The following SHMT1 variants were observed in gnomAD, a reference collection of about 807,000 sequenced individuals.
SHMT1 encodes serine hydroxymethyltransferase, cytosolic.
SHMT1 carries 45 observed loss-of-function variants against 49.0 expected under a neutral mutation model. The ratio of observed to expected loss-of-function variants is 0.92; its 90% CI spans 0.72 to 1.18. The LOEUF (loss-of-function observed/expected upper bound fraction) is 1.18, where lower values mean the gene tolerates loss of function less well. Among genes scored for constraint, SHMT1 ranks in the 50% most tolerant of loss-of-function variants. The pLI, the probability that SHMT1 is intolerant of heterozygous loss-of-function variation, is 0.00. For synonymous variants in SHMT1, 232 were observed against 246.6 expected (o/e 0.94, Z 0.55); for missense variants, 541 against 612.4 (o/e 0.88, Z 1.23).
In SHMT1 at chr17:18,331,162, C is replaced by G; in HGVS notation, c.1055-491G>C. ...TATTATCAAAGTGGTAAGGTGACAACAGCAAGGCTAACAGAGTTTTCTGGA... is the reference window on the plus strand; with the variant it reads ...TATTATCAAAGTGGTAAGGTGACAAGAGCAAGGCTAACAGAGTTTTCTGGA... On this transcript the variant is annotated intron_variant, in intron 9 of 11. Transcript: ENST00000316694. 1.8e-5 allele frequency: 5 copies of G among 284,110 alleles called. No homozygotes were observed. In the South Asian group the frequency reaches 1.8e-4, roughly 10 times the overall value. 17.6% of individuals were successfully genotyped at this position (284,110 alleles called of 1,614,324 possible).
intron 3 of SHMT1, among the ~76,000 whole-genome samples, chr17:18,352,399 G>C (rs1405397245): frequency 6.6e-6 from 1 of 152,148 alleles, no homozygotes; most frequent in African/African-American, 2.4e-5. Context: ...GCCCGCCTGG[G>C]CCTCCCAAAG....
intron 3 of SHMT1, chr17:18,348,763 C>G (rs1985375973): frequency 1.9e-6 from 1 of 523,474 alleles, no homozygotes; most frequent in African/African-American, 1.9e-5. Flanking sequence ...TTGCTTGAGC[C>G]CAGGAGTTCG....
At chr17:18,342,917 C>T (rs1199917154) in intron 5 of SHMT1, among the ~76,000 whole-genome samples, 1 of 149,656 alleles carries the variant, frequency 6.7e-6, no homozygotes, top group Non-Finnish European at 1.5e-5. Context: ...GCCTGGGCGA[C>T]AAAGTGAGAC....
At chr17:18,344,366 A>G (rs758108234) in intron 5 of SHMT1, among the ~76,000 whole-genome samples, 2 of 152,042 alleles carry the variant, frequency 1.3e-5, no homozygotes, top group South Asian at 2.1e-4. Context: ...GCTGACCTCC[A>G]GTAAAAATGG....
rs548841605 is a variant in SHMT1, at chr17:18,336,948, A to G, written c.815-1273T>C. On this transcript the variant is annotated intron_variant, in intron 7 of 11. Transcript: ENST00000316694. ...GTGACAGAGTGAGACCCTGTCCCCA[A>G]AAATAAAATTTAAAGAGTCTCCAAG... Among the ~76,000 whole-genome samples, 7 of 152,254 alleles carry G rather than the reference A, an allele frequency of 4.6e-5. No homozygotes were observed. The South Asian group carries it at 1.5e-3, about 32-fold the overall frequency.
chr17:18,329,931 G>A (rs1009732020), intron 10 of SHMT1, among the ~76,000 whole-genome samples: 2 of 151,950 alleles, frequency 1.3e-5, no homozygotes, highest in South Asian at 2.1e-4. Flanking sequence ...GCGCAGTCTC[G>A]GCTCAATGCA....
At chr17:18,353,519 T>A in intron 3 of SHMT1, 153 bp downstream of exon 3, 2 of 836,762 alleles carry the variant, frequency 2.4e-6, no homozygotes, top group Non-Finnish European at 4.2e-6. Context: ...ATGCTGGGAA[T>A]AAAAGAGTTC....
At chr17:18,344,646 TTTTTC>T (rs1008813697) in intron 5 of SHMT1, among the ~76,000 whole-genome samples, 1 of 144,402 alleles carries the variant, frequency 6.9e-6, no homozygotes. Flanking sequence ...TTTTCAAAGG[TTTTTC>T]TTTTCTTTTT....
In SHMT1 at chr17:18,347,637, A is replaced by G. The variant is rs750760203; in HGVS notation, c.378T>C (p.Ala126=). ...GGGGTTCCACCAGGGCAGTGTACACAGCAAAGTTTGCAGGGGAGCCTGAAA... is the reference window on the plus strand; with the variant it reads ...GGGGTTCCACCAGGGCAGTGTACACGGCAAAGTTTGCAGGGGAGCCTGAAA... ...QPYSGSPANF[A]VYTALVEPHG... Residue 126 remains alanine, a synonymous_variant, in exon 5 of 12, where the codon GCT becomes GCC. Transcript: ENST00000316694. 27 of 1,614,192 alleles carry G rather than the reference A, an allele frequency of 1.7e-5. No homozygotes were observed. Among genetic ancestry groups the G allele is most frequent in the Non-Finnish European group, 2.3e-5 (27 of 1,180,040 alleles).
At chr17:18,338,062 C>T (rs1908328619) in intron 7 of SHMT1, among the ~76,000 whole-genome samples, 1 of 151,186 alleles carries the variant, frequency 6.6e-6, no homozygotes, top group Admixed American at 6.6e-5. Flanking sequence ...GCCCCTCTGC[C>T]TGGCTGCCCA....
intron 1 of SHMT1, among the ~76,000 whole-genome samples, chr17:18,361,583 C>A (rs1408210554): frequency 2.6e-5 from 4 of 151,742 alleles, no homozygotes; most frequent in African/African-American, 4.8e-5. Flanking sequence ...GTCAGGAGAT[C>A]GAGACCATCC....
chr17:18,354,042 G>C (rs748167856), intron 2 of SHMT1, among the ~76,000 whole-genome samples: 1 of 152,196 alleles, frequency 6.6e-6, no homozygotes, highest in Non-Finnish European at 1.5e-5. Context: ...CAGCACTTTG[G>C]GAGGCCGAGG....
intron 3 of SHMT1, among the ~76,000 whole-genome samples, chr17:18,348,935 C>T (rs187656172): frequency 2.7e-5 from 4 of 148,548 alleles, no homozygotes; most frequent in East Asian, 4.0e-4. Context: ...GCTGTGATCA[C>T]GCCACTGGAC....
Position 18,340,645 on chromosome 17 carries a change from A to G in SHMT1, c.601+87T>C. 8.4e-7 allele frequency: 1 copy of G among 1,192,568 alleles called. No homozygotes were observed. Among genetic ancestry groups the G allele is most frequent in the Non-Finnish European group, 1.2e-6 (1 of 818,772 alleles). The allele number at this position is 1,192,568 out of a possible 1,614,324, so 73.9% of individuals were successfully genotyped here. A position where few individuals can be genotyped will look rare whatever the true frequency, so the allele number is the denominator to read the frequency against. On this transcript the variant is annotated intron_variant, in intron 6 of 11. Transcript: ENST00000316694. This position sits in a 1 kb window ranked among gnomAD's most constrained non-coding sequence, Gnocchi z 4.5. Reference sequence around the variant, plus strand: ...CAGGGCAGAAACTAGCAGTGGGCTCAACAGGGTGCGAACATCTTTCCATCC... The same window carrying G: ...CAGGGCAGAAACTAGCAGTGGGCTCGACAGGGTGCGAACATCTTTCCATCC...
chr17:18,361,867 C>T (rs1249867080), intron 1 of SHMT1, among the ~76,000 whole-genome samples: 2 of 152,132 alleles, frequency 1.3e-5, no homozygotes, highest in Non-Finnish European at 2.9e-5. Flanking sequence ...CCCCAGCCAA[C>T]ACAGCTCACT....
At chr17:18,359,633 C>T (rs956415768) in intron 1 of SHMT1, among the ~76,000 whole-genome samples, 1 of 150,554 alleles carries the variant, frequency 6.6e-6, no homozygotes, top group African/African-American at 2.4e-5. Flanking sequence ...GTCTGGGTGA[C>T]AGAGTGAGAC....
chr17:18,339,088 T>C (rs1021539570), intron 7 of SHMT1, among the ~76,000 whole-genome samples: 15 of 137,328 alleles, frequency 1.1e-4, no homozygotes, highest in Non-Finnish European at 7.6e-5. Context: ...AAGAGTAATG[T>C]AGTCACCAGA....
chr17:18,335,525 G>T (rs781154257), intron 8 of SHMT1, 34 bp downstream of exon 8: 3 of 1,433,162 alleles, frequency 2.1e-6, no homozygotes, highest in African/African-American at 1.4e-5. Context: ...GGAATTAGGG[G>T]CTACAGGATG....
At chr17:18,337,150 A>C (rs1411040488) in intron 7 of SHMT1, among the ~76,000 whole-genome samples, 3 of 152,168 alleles carry the variant, frequency 2.0e-5, no homozygotes, top group Admixed American at 2.0e-4. Context: ...TAATCCTCAA[A>C]ACAGCAGTCC....
Sources: gnomAD v4.1 joint callset for allele counts (sites outside exome capture counted in the v4.1 genomes callset) on GRCh38, gnomAD v4.1.1 for gene constraint, Gnocchi (gnomAD v3.1) non-coding constraint, MANE v1.5 for transcripts, NCBI Gene and HGNC (gene_info 2026-07-23, HGNC 2026-07-21) for gene names.